The following ENTREP2 variants were observed in gnomAD, a reference collection of about 807,000 sequenced individuals.
ENTREP2 encodes endosomal transmembrane epsin interactor 2.
the ENTREP2 span, among the ~76,000 whole-genome samples, chr15:29,633,486 G>T: frequency 6.6e-6 from 1 of 151,998 alleles, no homozygotes; most frequent in Admixed American, 6.6e-5. Flanking sequence ...AAATGTATTT[G>T]GTATGACATG....
chr15:29,426,230 T>C, the ENTREP2 span, among the ~76,000 whole-genome samples: 4 of 152,318 alleles, frequency 2.6e-5, no homozygotes, highest in African/African-American at 9.6e-5. Flanking sequence ...TTCACATACA[T>C]GAGCTTAGAA....
chr15:29,246,656 C>T, the ENTREP2 span, among the ~76,000 whole-genome samples: 2 of 151,836 alleles, frequency 1.3e-5, no homozygotes, highest in Non-Finnish European at 2.9e-5. Context: ...GCTGAGATTG[C>T]GCCATTGCAC....
chr15:29,173,163 C>T, the ENTREP2 span, among the ~76,000 whole-genome samples: 1 of 152,156 alleles, frequency 6.6e-6, no homozygotes, highest in Admixed American at 6.5e-5. Context: ...AGCCTGGGCA[C>T]GTGTCCACTC....
chr15:29,119,853 G>A, the ENTREP2 span, among the ~76,000 whole-genome samples: 1 of 152,214 alleles, frequency 6.6e-6, no homozygotes, highest in South Asian at 2.1e-4. Flanking sequence ...CCGTGCCCAG[G>A]ACAAGGCGGG....
chr15:29,336,079 T>G, the ENTREP2 span, among the ~76,000 whole-genome samples: 1 of 142,584 alleles, frequency 7.0e-6, no homozygotes, highest in Admixed American at 7.5e-5. Context: ...GAGGTGGAGC[T>G]TGCAGTGAGC....
the ENTREP2 span, among the ~76,000 whole-genome samples, chr15:29,647,301 T>A: frequency 6.6e-6 from 1 of 152,204 alleles, no homozygotes; most frequent in African/African-American, 2.4e-5. Context: ...CAGAAGTTAT[T>A]CAAGGAATAA....
chr15:29,199,406 C>A, the ENTREP2 span, among the ~76,000 whole-genome samples: 2 of 152,160 alleles, frequency 1.3e-5, no homozygotes, highest in Non-Finnish European at 2.9e-5. Flanking sequence ...GATGTCCTAG[C>A]ATGGTAAATA....
At chr15:29,500,276 C>T in the ENTREP2 span, among the ~76,000 whole-genome samples, 1 of 152,112 alleles carries the variant, frequency 6.6e-6, no homozygotes, top group Admixed American at 6.6e-5. Flanking sequence ...CTCAACCCAA[C>T]AGCAGCAGAA....
At chr15:29,380,848 CTTTTTT>C in the ENTREP2 span, among the ~76,000 whole-genome samples, 1 of 127,510 alleles carries the variant, frequency 7.8e-6, no homozygotes, top group African/African-American at 3.0e-5. Flanking sequence ...TGCATCCACA[CTTTTTT>C]TTTTTTTTTT....
the ENTREP2 span, chr15:29,376,551 AACACAC>A: frequency 0.35 from 51,926 of 146,998 alleles, 10,236 homozygotes; most frequent in African/African-American, 0.57. Flanking sequence ...CACTATGGTA[AACACAC>A]ACACACACAC....
chr15:29,227,209 G>A, the ENTREP2 span, among the ~76,000 whole-genome samples: 1 of 152,200 alleles, frequency 6.6e-6, no homozygotes, highest in African/African-American at 2.4e-5. Context: ...GGCAGGAAGA[G>A]GGAGATAGGA....
chr15:29,464,414 A>G, the ENTREP2 span, among the ~76,000 whole-genome samples: 1 of 152,142 alleles, frequency 6.6e-6, no homozygotes, highest in Non-Finnish European at 1.5e-5. Flanking sequence ...TACTAGACAG[A>G]TTTTTAAGCA....
chr15:29,599,599 A>G, the ENTREP2 span, among the ~76,000 whole-genome samples: 4 of 152,196 alleles, frequency 2.6e-5, no homozygotes, highest in Admixed American at 6.5e-5. Flanking sequence ...TCATGTGGAA[A>G]CTGGTCATAA....
chr15:29,478,023 T>TTTATATATATATATATATA, the ENTREP2 span, among the ~76,000 whole-genome samples: 11 of 114,110 alleles, frequency 9.6e-5, no homozygotes, highest in African/African-American at 4.1e-4. Context: ...ATATATATTT[T>TTTATATATATATATATATA]TTTTTTTTTT....
the ENTREP2 span, among the ~76,000 whole-genome samples, chr15:29,396,079 C>T: frequency 2.0e-5 from 3 of 152,164 alleles, no homozygotes; most frequent in Admixed American, 6.5e-5. Context: ...TAACCATATC[C>T]ATCACCTCAC....
At chr15:29,587,192 TC>T in the ENTREP2 span, among the ~76,000 whole-genome samples, 3 of 144,362 alleles carry the variant, frequency 2.1e-5, no homozygotes, top group Admixed American at 7.0e-5. Flanking sequence ...TGTGTGTGTT[TC>T]GTAGCTCTGT....
the ENTREP2 span, among the ~76,000 whole-genome samples, chr15:29,397,531 G>C: frequency 6.6e-6 from 1 of 152,224 alleles, no homozygotes; most frequent in African/African-American, 2.4e-5. Flanking sequence ...TTACAGGGCT[G>C]TAGAGAATGT....
At chr15:29,555,663 C>CCAGG in the ENTREP2 span, among the ~76,000 whole-genome samples, 1 of 152,170 alleles carries the variant, frequency 6.6e-6, no homozygotes, top group Admixed American at 6.5e-5. Flanking sequence ...CCCACCTGCG[C>CCAGG]CAGGCAGGCA....
chr15:29,590,222 T>A, the ENTREP2 span, among the ~76,000 whole-genome samples: 5 of 152,092 alleles, frequency 3.3e-5, no homozygotes, highest in East Asian at 7.8e-4. Context: ...GTGCCTGGGG[T>A]TCCATGGCCA....
Sources: gnomAD v4.1 joint callset for allele counts (sites outside exome capture counted in the v4.1 genomes callset) on GRCh38, gnomAD v4.1.1 for gene constraint, MANE v1.5 for transcripts, NCBI Gene and HGNC (gene_info 2026-07-23, HGNC 2026-07-21) for gene names.